MYO1F: variants seen among roughly 807,000 people sequenced by gnomAD.
The protein encoded by MYO1F is unconventional myosin-If.
In MYO1F, 60 loss-of-function variants were observed where a neutral mutation model predicts 146.6. The ratio of observed to expected loss-of-function variants is 0.41; its 90% CI spans 0.33 to 0.51. The LOEUF (loss-of-function observed/expected upper bound fraction) is 0.51. Among genes scored for constraint, MYO1F ranks in the 20% least tolerant of loss-of-function variants. The pLI is 0.25. For synonymous variants in MYO1F, 602 were observed against 602.1 expected, an observed-to-expected ratio of 1.00 and a Z score of 0.00; for missense variants, 1,274 against 1,534.3, an observed-to-expected ratio of 0.83 and a Z score of 2.83.
At chr19:8,538,213 G>T (rs892234074) in intron 16 of MYO1F, among the ~76,000 whole-genome samples, 2 of 151,444 alleles carry the variant, frequency 1.3e-5, no homozygotes, top group African/African-American at 4.9e-5. Flanking sequence ...TGATCCACCT[G>T]CCTCAGCCTC....
chr19:8,537,305 C>T (rs1039826258), intron 16 of MYO1F, among the ~76,000 whole-genome samples: 15 of 152,104 alleles, frequency 9.9e-5, no homozygotes, highest in South Asian at 6.2e-4. Flanking sequence ...TCACGTCTAC[C>T]GCACTCACCA....
At chr19:8,574,143 C>G (rs1292055820) in intron 1 of MYO1F, among the ~76,000 whole-genome samples, 6 of 152,134 alleles carry the variant, frequency 3.9e-5, no homozygotes, top group African/African-American at 1.4e-4. Context: ...CAATCCACCA[C>G]CAACGAACAA....
At chr19:8,572,252 T>G (rs1326936054) in intron 1 of MYO1F, among the ~76,000 whole-genome samples, 1 of 132,878 alleles carries the variant, frequency 7.5e-6, no homozygotes, top group Non-Finnish European at 1.6e-5. Context: ...ACTCTTTGCA[T>G]CCAATCAATT....
intron 19 of MYO1F, among the ~76,000 whole-genome samples, chr19:8,531,077 G>A (rs905985094): frequency 1.3e-5 from 2 of 151,750 alleles, no homozygotes; most frequent in African/African-American, 4.8e-5. Flanking sequence ...AAAAAAGCTG[G>A]TGGCTCATGC....
rs2042253010 is a variant in MYO1F, at chr19:8,577,175, ACACCC to A, written c.3+127_3+131del. ...GGAGGCACCTGAGCTGCACTGAGAG[ACACCC>A]CACCCCCACAGAAGTCCACCATGCC... On this transcript the variant is annotated intron_variant, in intron 1 of 27. Coordinates refer to ENST00000644032, the MANE Select transcript of MYO1F (RefSeq NM_012335.4). The surrounding 1 kb of genome is among the most constrained non-coding windows in gnomAD (Gnocchi z 4.3). 1.8e-6 allele frequency: 2 copies of A among 1,097,882 alleles called. No individual in the cohort carries two copies. The highest frequency in any genetic ancestry group is 3.1e-5 in the African/African-American group (2 of 64,150). The allele number at this position is 1,097,882 out of a possible 1,614,324, so 68.0% of individuals were successfully genotyped here.
intron 15 of MYO1F, 52 bp downstream of exon 15, chr19:8,541,854 C>T: frequency 6.5e-7 from 1 of 1,535,732 alleles, no homozygotes. Flanking sequence ...GGTCCTCCCT[C>T]CATCCCCTTG....
chr19:8,551,960 G>T, intron 7 of MYO1F, 73 bp downstream of exon 7: 2 of 1,613,798 alleles, frequency 1.2e-6, no homozygotes, highest in Non-Finnish European at 1.7e-6. Context: ...GCCCCCCTAG[G>T]TGTTTACCTT....
chr19:8,521,677 C>T, intron 27 of MYO1F, 73 bp from the exon 28 acceptor site: 1 of 1,405,846 alleles, frequency 7.1e-7, no homozygotes, highest in Non-Finnish European at 1.0e-6. Flanking sequence ...GTCTGTCCAT[C>T]TTGTTCATGG....
rs752941186 is a variant in MYO1F at position 8,521,517 on chromosome 19, C to T, written c.*11G>A. 6.2e-7 allele frequency: 1 copy of T among 1,613,474 alleles called. No individual in the cohort carries two copies. The highest frequency in any genetic ancestry group is 2.2e-5 in the East Asian group (1 of 44,860). On this transcript the variant is annotated 3_prime_UTR_variant, in exon 28 of 28. Coordinates refer to ENST00000644032, the MANE Select transcript of MYO1F (RefSeq NM_012335.4). ...GCGGGCGAAAGAGAAGGCAGTATCCCAGGGCCCAGCTCAGATCTTCTCCAC... is the reference window on the plus strand; with the variant it reads ...GCGGGCGAAAGAGAAGGCAGTATCCTAGGGCCCAGCTCAGATCTTCTCCAC...
At position 8,530,466 on chromosome 19, in the gene MYO1F, C is replaced by G. The variant is rs1197776058; in HGVS notation, c.2151G>C (p.Arg717=). The change falls in exon 20 of 28, where the codon CGG becomes CGC. Residue 717 remains arginine (R), a synonymous_variant. Coordinates refer to ENST00000644032, the MANE Select transcript of MYO1F (RefSeq NM_012335.4). This position sits in a 1 kb window ranked among gnomAD's most constrained non-coding sequence, Gnocchi z 5.8. The part of the protein sequence containing the change: ...HVAVRKYEEM[R]EEASNILLNK... The stretch of plus-strand genomic sequence containing the variant: ...TTACCCGAAGCCTCTCACCTTCCTC[C>G]CGCATCTCCTCGTACTTCCGGACAG... 8 of 1,613,724 alleles carry G rather than the reference C, an allele frequency of 5.0e-6. No homozygotes were observed. Among genetic ancestry groups the G allele is most frequent in the Non-Finnish European group, 5.9e-6 (7 of 1,180,026 alleles).
intron 1 of MYO1F, among the ~76,000 whole-genome samples, chr19:8,562,162 T>TC (rs1491290790): frequency 6.9e-6 from 1 of 145,432 alleles, no homozygotes; most frequent in Non-Finnish European, 1.5e-5. Context: ...GCTAATTTTT[T>TC]CTTTTTTTTT....
At chr19:8,532,740 T>C (rs1387167308) in intron 19 of MYO1F, among the ~76,000 whole-genome samples, 1 of 151,714 alleles carries the variant, frequency 6.6e-6, no homozygotes, top group Non-Finnish European at 1.5e-5. Context: ...AAGCAAAAAT[T>C]AGCTGAGGGT....
chr19:8,558,607 A>G (rs1285570535), intron 1 of MYO1F, among the ~76,000 whole-genome samples: 2 of 152,100 alleles, frequency 1.3e-5, no homozygotes, highest in Non-Finnish European at 2.9e-5. Context: ...TGGCTTTCTC[A>G]GGCTCACTCT....
chr19:8,529,050 G>A (rs1365582256), intron 21 of MYO1F, among the ~76,000 whole-genome samples: 1 of 152,176 alleles, frequency 6.6e-6, no homozygotes, highest in African/African-American at 2.4e-5. Context: ...AAGCAGGTGG[G>A]TGGATCAGGT....
rs1466774121 is a variant in MYO1F at position 8,521,441 on chromosome 19, G to A, written c.*87C>T. On this transcript the variant is annotated 3_prime_UTR_variant, in exon 28 of 28. Transcript: ENST00000644032. ...TTAGGCTATTGCAGCCCAGGTAAAC[G>A]AGGCTCTCATTGGCAGGGCCTGGCT... 10 of 1,406,506 alleles carry A rather than the reference G, an allele frequency of 7.1e-6. No homozygotes were observed. Among genetic ancestry groups the A allele is most frequent in the African/African-American group, 7.1e-5 (5 of 70,534 alleles). The allele number at this position is 1,406,506 out of a possible 1,614,324, so 87.1% of individuals were successfully genotyped here.
At chr19:8,533,149 C>T (rs1360778103) in intron 19 of MYO1F, among the ~76,000 whole-genome samples, 1 of 147,952 alleles carries the variant, frequency 6.8e-6, no homozygotes, top group East Asian at 2.0e-4. Flanking sequence ...AGGGATCCTC[C>T]CACCTCAGCC....
At chr19:8,547,969 A>T in intron 12 of MYO1F, 67 bp downstream of exon 12, 1 of 1,392,850 alleles carries the variant, frequency 7.2e-7, no homozygotes, top group Non-Finnish European at 1.0e-6. Context: ...TTGCTAAGGG[A>T]TCCTCATGGT....
chr19:8,525,484 G>A lies in MYO1F; in HGVS notation c.2849C>T (p.Pro950Leu), dbSNP rs201618281. ...QAPTRAAPAP[P>L]RGMDRNGVPP... Reference sequence around the variant, plus strand: ...CAAGGGACGCAGCTCCTCACCTCTGGGGGGCGCAGGGGCCGCCCGGGTAGG... The same window carrying A: ...CAAGGGACGCAGCTCCTCACCTCTGAGGGGCGCAGGGGCCGCCCGGGTAGG... Residue 950 changes from proline (P) to leucine (L), a missense_variant, in exon 25 of 28, where the codon CCC becomes CTC. Around this residue, in one of 2 missense-constraint regions of MYO1F, gnomAD observed 374 missense variants for 379.2 expected, o/e 0.99. Transcript: ENST00000644032. 6.2e-7 allele frequency: 1 copy of A among 1,612,906 alleles called. No homozygotes were observed. The highest frequency in any genetic ancestry group is 1.7e-5 in the Admixed American group (1 of 60,014).
chr19:8,543,717 GTGGTGGTGCTGGTGGTGC>G (rs1568348595), intron 14 of MYO1F, among the ~76,000 whole-genome samples: 7 of 20,962 alleles, frequency 3.3e-4, no homozygotes, highest in Non-Finnish European at 5.1e-4. Context: ...GCTGGTGGTG[GTGGTGGTGCTGGTGGTGC>G]TGGTGGTGCT....
Sources: allele counts gnomAD v4.1 joint callset (sites outside exome capture counted in the v4.1 genomes callset), GRCh38; gene constraint gnomAD v4.1.1; regional missense constraint gnomAD v4.1.1; non-coding constraint Gnocchi (gnomAD v3.1); transcripts MANE v1.5; gene names NCBI Gene and HGNC (gene_info 2026-07-23, HGNC 2026-07-21).